Variants in CGNL1 observed in about 807,000 individuals in gnomAD.
CGNL1 encodes the protein cingulin like 1, also known as cingulin-like protein 1.
A neutral mutation model predicts 141.2 loss-of-function variants in CGNL1; 132 were observed. The observed-to-expected ratio is 0.93, with a 90% CI of 0.81 to 1.08. CGNL1 has a LOEUF of 1.08. Among genes scored for constraint, CGNL1 ranks in the 50% least tolerant of loss-of-function variants. The pLI, the probability that CGNL1 is intolerant of heterozygous loss-of-function variation, is 0.00. For synonymous variants in CGNL1, 690 were observed against 622.1 expected, an observed-to-expected ratio of 1.11 and a Z score of -1.63; for missense variants, 1,870 against 1,588.6, an observed-to-expected ratio of 1.18 and a Z score of -3.01.
intron 12 of CGNL1, among the ~76,000 whole-genome samples, chr15:57,526,532 C>T (rs1279846497): frequency 1.3e-5 from 2 of 152,058 alleles, no homozygotes; most frequent in Non-Finnish European, 1.5e-5. Context: ...GTAATAGTGG[C>T]TGCCTTTGCT....
intron 8 of CGNL1, among the ~76,000 whole-genome samples, chr15:57,473,765 G>A (rs1595741989): frequency 6.6e-6 from 1 of 152,198 alleles, no homozygotes; most frequent in East Asian, 1.9e-4. Flanking sequence ...GTGCCATCTT[G>A]GAAGTAGATC....
rs1488596244 is a variant in CGNL1, at chr15:57,496,326, C to T, written c.2404-20454C>T. ...TTTGGGTTGAGCCCTGCCTTCTACT[C>T]TAGGGGTCCCCAGCCCTCAGGCCAT... On this transcript the variant is annotated intron_variant, in intron 8 of 18. Coordinates refer to ENST00000281282, the MANE Select transcript of CGNL1 (RefSeq NM_032866.5). Among the ~76,000 whole-genome samples the T allele has an allele frequency of 7.9e-5, 12 of 152,170 alleles. No homozygotes were observed. In the East Asian group the frequency reaches 2.3e-3, roughly 29 times the overall value.
intron 13 of CGNL1, among the ~76,000 whole-genome samples, chr15:57,529,602 ACACACACG>A (rs2031840371): frequency 3.3e-5 from 4 of 122,268 alleles, no homozygotes; most frequent in South Asian, 5.5e-4. Context: ...ACACACACAC[ACACACACG>A]CCCCAGTAGA....
At chr15:57,408,255 A>C (rs2062745407) in intron 1 of CGNL1, among the ~76,000 whole-genome samples, 1 of 152,078 alleles carries the variant, frequency 6.6e-6, no homozygotes, top group South Asian at 2.1e-4. Context: ...TATTTTGGTA[A>C]AGGGAAAACA....
intron 3 of CGNL1, among the ~76,000 whole-genome samples, chr15:57,441,250 G>GA (rs1312704375): frequency 1.3e-5 from 2 of 150,550 alleles, no homozygotes; most frequent in Non-Finnish European, 3.0e-5. Context: ...TTGAAAGGGG[G>GA]AAAAAAAAAG....
intron 7 of CGNL1, among the ~76,000 whole-genome samples, chr15:57,458,995 C>T (rs1300022856): frequency 6.6e-6 from 1 of 152,130 alleles, no homozygotes; most frequent in Non-Finnish European, 1.5e-5. Context: ...GGTGCATGTC[C>T]TAGAGAAAAT....
intron 1 of CGNL1, among the ~76,000 whole-genome samples, chr15:57,410,318 CAG>C (rs1567099772): frequency 6.6e-6 from 1 of 152,216 alleles, no homozygotes; most frequent in African/African-American, 2.4e-5. Context: ...GTGCACAAAA[CAG>C]TACCTGACTC....
intron 8 of CGNL1, among the ~76,000 whole-genome samples, chr15:57,505,926 A>G (rs953599478): frequency 1.3e-5 from 2 of 152,240 alleles, no homozygotes; most frequent in Admixed American, 1.3e-4. Flanking sequence ...ATATGGTAGC[A>G]AAATGGGAAA....
intron 14 of CGNL1, among the ~76,000 whole-genome samples, chr15:57,535,413 C>G (rs1171223728): frequency 6.6e-6 from 1 of 152,100 alleles, no homozygotes; most frequent in Non-Finnish European, 1.5e-5. Flanking sequence ...AGGGAAAGAC[C>G]ATTGTTGCAA....
intron 1 of CGNL1, among the ~76,000 whole-genome samples, chr15:57,392,250 A>G (rs528213398): frequency 6.6e-6 from 1 of 152,282 alleles, no homozygotes; most frequent in East Asian, 1.9e-4. Context: ...TATTAAAGAG[A>G]GGAAACCAAG....
intron 8 of CGNL1, among the ~76,000 whole-genome samples, chr15:57,507,685 G>T (rs960946522): frequency 6.6e-6 from 1 of 152,156 alleles, no homozygotes; most frequent in Admixed American, 6.5e-5. Flanking sequence ...AGGAGAGAAT[G>T]GCCCTCACCT....
intron 1 of CGNL1, among the ~76,000 whole-genome samples, chr15:57,400,189 G>C (rs2062644451): frequency 6.6e-6 from 1 of 151,980 alleles, no homozygotes; most frequent in Non-Finnish European, 1.5e-5. Flanking sequence ...TGTAGAGATG[G>C]GGGTCTTGCT....
At chr15:57,435,331 A>T (rs1213748583) in intron 1 of CGNL1, among the ~76,000 whole-genome samples, 1 of 151,962 alleles carries the variant, frequency 6.6e-6, no homozygotes, top group African/African-American at 2.4e-5. Context: ...AGAACCAATA[A>T]GTTAAGGAAT....
Position 57,388,617 on chromosome 15 carries a change from G to A in CGNL1, c.-16+12050G>A, listed in dbSNP as rs145461244. Among the ~76,000 whole-genome samples, 398 of 152,356 alleles carry A rather than the reference G, an allele frequency of 2.6e-3. 4 individuals are homozygous for A. The highest frequency in any genetic ancestry group is 9.2e-3 in the African/African-American group (384 of 41,592). ...AGTTTCTGGTTAGAATCATAGAAAT[G>A]CTTCTTGTTATCAGAGCTAATTTGC... On this transcript the variant is annotated intron_variant, in intron 1 of 18. Coordinates refer to ENST00000281282, the MANE Select transcript of CGNL1 (RefSeq NM_032866.5).
In CGNL1 at chr15:57,438,471, G is replaced by T; in HGVS notation, c.472G>T (p.Glu158Ter). Reference protein sequence around the residue: ...HPELLQPYDPEKNELNLQNHQ... With the variant: ...HPELLQPYDP ...AGAGCTTTTGCAACCCTATGACCCT[G>T]AAAAGAATGAGTTGAATTTACAAAA... Residue 158 changes from glutamate (E) to a stop codon, truncating the protein, a stop_gained, in exon 2 of 19, where the codon GAA (glutamate) becomes TAA (stop). Coordinates refer to ENST00000281282, the MANE Select transcript of CGNL1 (RefSeq NM_032866.5). LOFTEE classifies it high-confidence loss of function. 1 of 1,614,162 alleles carries T rather than the reference G, an allele frequency of 6.2e-7. No homozygotes were observed. The highest frequency in any genetic ancestry group is 8.5e-7 in the Non-Finnish European group (1 of 1,180,032).
At chr15:57,434,972 G>A (rs1177905307) in intron 1 of CGNL1, among the ~76,000 whole-genome samples, 3 of 152,090 alleles carry the variant, frequency 2.0e-5, no homozygotes. Context: ...AGAGAGCAAT[G>A]AGACCCTAAT....
At chr15:57,463,498 C>T (rs1280376) in intron 8 of CGNL1, among the ~76,000 whole-genome samples, 114,504 of 152,182 alleles carry the variant, frequency 0.75, 43,692 homozygotes, top group African/African-American at 0.88. Context: ...ACGTGTATCA[C>T]TGGCAGAGAA....
chr15:57,433,960 C>A (rs908278343), intron 1 of CGNL1, among the ~76,000 whole-genome samples: 1 of 131,780 alleles, frequency 7.6e-6, no homozygotes. Flanking sequence ...CACTCACCAA[C>A]TAATAGTCTT....
chr15:57,511,270 C>G (rs1330034858), intron 8 of CGNL1, among the ~76,000 whole-genome samples: 1 of 152,196 alleles, frequency 6.6e-6, no homozygotes, highest in African/African-American at 2.4e-5. Context: ...TTTATACACA[C>G]AGAAGCATGC....
Sources: allele counts gnomAD v4.1 joint callset (sites outside exome capture counted in the v4.1 genomes callset), GRCh38; gene constraint gnomAD v4.1.1; transcripts MANE v1.5; gene names NCBI Gene and HGNC (gene_info 2026-07-23, HGNC 2026-07-21).